Variants in MYOCD observed in about 807,000 individuals in gnomAD.
The protein encoded by MYOCD is myocardin.
A neutral mutation model predicts 96.1 loss-of-function variants in MYOCD; 32 were observed. The ratio of observed to expected loss-of-function variants is 0.33; its 90% CI spans 0.25 to 0.45. The LOEUF is 0.45. Among genes scored for constraint, MYOCD ranks in the 20% least tolerant of loss-of-function variants. The probability of loss-of-function intolerance (pLI) is 1.00; values close to 1 mark genes in which losing one functional copy is unlikely to be tolerated. For synonymous variants in MYOCD, 469 were observed against 469.0 expected, an observed-to-expected ratio of 1.00 and a Z score of 0.00; for missense variants, 1,133 against 1,200.6, an observed-to-expected ratio of 0.94 and a Z score of 0.83.
At chr17:12,671,735 C>T (rs149668674) in intron 1 of MYOCD, 25 of 152,262 alleles carry the variant, frequency 1.6e-4, no homozygotes, top group Admixed American at 1.6e-3. Context: ...ATTGAATGTG[C>T]TCTACTCTAA....
chr17:12,723,951 C>A (rs2031922453), intron 5 of MYOCD, among the ~76,000 whole-genome samples: 1 of 152,176 alleles, frequency 6.6e-6, no homozygotes, highest in Non-Finnish European at 1.5e-5. Flanking sequence ...GATTCAGAGG[C>A]CACATGAATT....
rs973611837 is a variant in MYOCD, at chr17:12,763,155, T to G, written c.2472T>G (p.Ala824=). ...CCAGATCTTCCCGAAGTCCAACTGC[T>G]GTCCTCACCAAGCCCTCGGCTTCCT... The part of the protein sequence containing the change: ...KIPRSSRSPT[A]VLTKPSASFE... Residue 824 remains alanine, a synonymous_variant, in exon 14 of 14, where the codon GCT becomes GCG. Transcript: ENST00000425538. 12 of 1,614,184 alleles carry G rather than the reference T, an allele frequency of 7.4e-6. No homozygotes were observed. The highest frequency in any genetic ancestry group is 1.0e-5 in the Non-Finnish European group (12 of 1,180,022).
chr17:12,739,018 T>C (rs2032428142), intron 6 of MYOCD, among the ~76,000 whole-genome samples, 185 bp from the exon 7 acceptor site: 1 of 152,112 alleles, frequency 6.6e-6, no homozygotes, highest in South Asian at 2.1e-4. Context: ...TGTACATATA[T>C]ATACACACAC....
chr17:12,758,757 G>GA (rs1231764965), intron 12 of MYOCD, among the ~76,000 whole-genome samples: 3 of 152,038 alleles, frequency 2.0e-5, no homozygotes, highest in Non-Finnish European at 4.4e-5. Context: ...GTAAGAAAAA[G>GA]AAAAAACAAG....
intron 7 of MYOCD, among the ~76,000 whole-genome samples, chr17:12,743,333 A>C (rs896824867): frequency 6.6e-6 from 1 of 152,146 alleles, no homozygotes; most frequent in Admixed American, 6.6e-5. Context: ...GCAGGCAGAT[A>C]GGCAAGGTTT....
chr17:12,712,223 G>A (rs1380414471), intron 2 of MYOCD, among the ~76,000 whole-genome samples: 1 of 152,164 alleles, frequency 6.6e-6, no homozygotes, highest in Non-Finnish European at 1.5e-5. Context: ...GCTGCACTTA[G>A]AGAACGCTGC....
intron 5 of MYOCD, among the ~76,000 whole-genome samples, chr17:12,730,040 G>A (rs779560197): frequency 2.0e-5 from 3 of 151,982 alleles, no homozygotes; most frequent in Admixed American, 6.6e-5. Context: ...CTAGTTACTC[G>A]GGAGGCTGAG....
intron 5 of MYOCD, 61 bp downstream of exon 5, chr17:12,723,069 G>A (rs774384788): frequency 5.1e-5 from 77 of 1,513,736 alleles, no homozygotes; most frequent in Non-Finnish European, 6.8e-5. Flanking sequence ...GCAGCCCGGA[G>A]CTCTGACATA....
intron 1 of MYOCD, among the ~76,000 whole-genome samples, chr17:12,667,428 TGGGGTC>T (rs1480154319): frequency 6.6e-6 from 1 of 152,198 alleles, no homozygotes; most frequent in Non-Finnish European, 1.5e-5. Context: ...CGCCAGCCAC[TGGGGTC>T]GGCAGTGGAT....
chr17:12,712,059 C>A (rs2031497392), intron 2 of MYOCD, among the ~76,000 whole-genome samples: 1 of 151,404 alleles, frequency 6.6e-6, no homozygotes, highest in African/African-American at 2.4e-5. Flanking sequence ...GACAGGGTTT[C>A]ACCATCTTGG....
At chr17:12,678,452 A>G (rs1392472116) in intron 1 of MYOCD, among the ~76,000 whole-genome samples, 1 of 152,066 alleles carries the variant, frequency 6.6e-6, no homozygotes, top group Non-Finnish European at 1.5e-5. Context: ...ATTACATGCT[A>G]TGAGGACCAG....
At chr17:12,676,785 T>C (rs1201035015) in intron 1 of MYOCD, among the ~76,000 whole-genome samples, 1 of 152,212 alleles carries the variant, frequency 6.6e-6, no homozygotes, top group Non-Finnish European at 1.5e-5. Context: ...GTATATGTGG[T>C]ATAGGTATGC....
At chr17:12,731,497 T>C (rs908230904) in intron 5 of MYOCD, among the ~76,000 whole-genome samples, 11 of 152,162 alleles carry the variant, frequency 7.2e-5, no homozygotes, top group African/African-American at 2.7e-4. Flanking sequence ...GACAAACAGA[T>C]GCTCCTACCA....
At chr17:12,745,852 G>A (rs1385837964) in intron 8 of MYOCD, 67 bp from the exon 9 acceptor site, 12 of 1,547,008 alleles carry the variant, frequency 7.8e-6, no homozygotes, top group African/African-American at 1.4e-5. Context: ...TTTGGGATCC[G>A]ATCTAAATGC....
At chr17:12,700,399 A>AATTTTTTTTTT (rs2031007219) in intron 1 of MYOCD, among the ~76,000 whole-genome samples, 1 of 76,900 alleles carries the variant, frequency 1.3e-5, no homozygotes, top group African/African-American at 6.2e-5. Flanking sequence ...CAATGGGAGA[A>AATTTTTTTTTT]TTTTTTTTTT....
chr17:12,754,411 C>G (rs1488841256), intron 10 of MYOCD, among the ~76,000 whole-genome samples: 1 of 152,112 alleles, frequency 6.6e-6, no homozygotes, highest in African/African-American at 2.4e-5. Context: ...CGGAAATTTG[C>G]AACTTTAAAT....
At chr17:12,693,106 A>G (rs1430794717) in intron 1 of MYOCD, among the ~76,000 whole-genome samples, 3 of 152,096 alleles carry the variant, frequency 2.0e-5, no homozygotes, top group East Asian at 1.9e-4. Flanking sequence ...AATAATTATT[A>G]AACAGTGGGC....
At position 12,764,209 on chromosome 17, in the gene MYOCD, A is replaced by G. The variant is rs2033270102; in HGVS notation, c.*565A>G. 6.6e-6 allele frequency: 1 copy of G among 152,412 alleles called. No individual in the cohort carries two copies. Among genetic ancestry groups the G allele is most frequent in the African/African-American group, 2.4e-5 (1 of 41,440 alleles). 9.4% of individuals were successfully genotyped at this position (152,412 alleles called of 1,614,324 possible). A position where few individuals can be genotyped will look rare whatever the true frequency, so the allele number is the denominator to read the frequency against. On this transcript the variant is annotated 3_prime_UTR_variant, in exon 14 of 14. Coordinates refer to ENST00000425538, the MANE Select transcript of MYOCD (RefSeq NM_001146312.3). ...AAACCAATCGATTTCCAGGGAAGCT[A>G]ATCAACTCTCTTTTCCCTCTACCAC...
intron 2 of MYOCD, among the ~76,000 whole-genome samples, chr17:12,714,159 C>T (rs1000162592): frequency 1.3e-5 from 2 of 151,866 alleles, no homozygotes; most frequent in African/African-American, 2.4e-5. Context: ...TTATAGAGAG[C>T]GTGACCTGTT....
Sources: gnomAD v4.1 joint callset for allele counts (sites outside exome capture counted in the v4.1 genomes callset) on GRCh38, gnomAD v4.1.1 for gene constraint, MANE v1.5 for transcripts, NCBI Gene and HGNC (gene_info 2026-07-23, HGNC 2026-07-21) for gene names.